SDK1: variants seen among roughly 807,000 people sequenced by gnomAD.
The protein encoded by SDK1 is protein sidekick-1.
SDK1 carries 157 observed loss-of-function variants against 245.5 expected under a neutral mutation model. The observed-to-expected ratio is 0.64, with a 90% CI of 0.56 to 0.73. SDK1 has a LOEUF of 0.73. SDK1 is among the 30% of genes least tolerant of loss of function. SDK1 has a pLI of 0.00. For synonymous variants in SDK1, 1,647 were observed against 1,278.5 expected, an observed-to-expected ratio of 1.29 and a Z score of -6.15; for missense variants, 3,583 against 3,002.3, an observed-to-expected ratio of 1.19 and a Z score of -4.52.
chr7:3,590,831 G>A (rs1282776773), intron 1 of SDK1, among the ~76,000 whole-genome samples: 4 of 149,116 alleles, frequency 2.7e-5, no homozygotes, highest in African/African-American at 9.9e-5. Flanking sequence ...CCCCCAGGCT[G>A]GAGTGCAGTG....
At chr7:4,223,163 A>G (rs913174918) in intron 40 of SDK1, among the ~76,000 whole-genome samples, 1 of 152,108 alleles carries the variant, frequency 6.6e-6, no homozygotes, top group African/African-American at 2.4e-5. Flanking sequence ...GGAGGGTACG[A>G]GTGTCCTGAC....
chr7:3,562,841 A>G (rs183383677), intron 1 of SDK1, among the ~76,000 whole-genome samples: 1 of 91,488 alleles, frequency 1.1e-5, no homozygotes. Context: ...GTTTCTATAT[A>G]AAGAGCCACA....
At position 3,478,437 on chromosome 7, in the gene SDK1, A is replaced by G. The variant is rs548252910; in HGVS notation, c.299-140643A>G. Among the ~76,000 whole-genome samples, 5 of 152,224 alleles carry G rather than the reference A, an allele frequency of 3.3e-5. No homozygotes were observed. In the South Asian group the frequency reaches 1.0e-3, roughly 32 times the overall value. On this transcript the variant is annotated intron_variant, in intron 1 of 44. Transcript: ENST00000404826. ...TTTGGGGAAAATTTTTGAGAACATA[A>G]CTATGGTAATTATTAGAAAAATAAC...
At chr7:3,599,530 A>C (rs1781186376) in intron 1 of SDK1, among the ~76,000 whole-genome samples, 1 of 152,178 alleles carries the variant, frequency 6.6e-6, no homozygotes, top group South Asian at 2.1e-4. Context: ...GTCAGGTCTA[A>C]GAGTCTTTGC....
At chr7:4,222,730 C>T (rs1785213139) in intron 40 of SDK1, among the ~76,000 whole-genome samples, 1 of 152,192 alleles carries the variant, frequency 6.6e-6, no homozygotes, top group Admixed American at 6.5e-5. Context: ...ATCTTTTGAG[C>T]AGGGCGTCTG....
At chr7:3,725,953 G>A (rs1459536192) in intron 4 of SDK1, among the ~76,000 whole-genome samples, 2 of 152,180 alleles carry the variant, frequency 1.3e-5, no homozygotes, top group African/African-American at 4.8e-5. Flanking sequence ...AGAAAAATAA[G>A]GTTGTCTTCA....
intron 5 of SDK1, among the ~76,000 whole-genome samples, chr7:3,903,137 G>T (rs1229604745): frequency 1.8e-4 from 26 of 143,284 alleles, no homozygotes; most frequent in African/African-American, 6.9e-4. Context: ...TTGTGGTTTT[G>T]TTTTTTGTTT....
At chr7:3,911,736 G>T (rs976162983) in intron 5 of SDK1, among the ~76,000 whole-genome samples, 1 of 152,174 alleles carries the variant, frequency 6.6e-6, no homozygotes, top group Non-Finnish European at 1.5e-5. Context: ...TCTGTATTAG[G>T]TGTTGGAGGA....
chr7:3,551,948 T>C (rs1243504135), intron 1 of SDK1, among the ~76,000 whole-genome samples: 1 of 152,346 alleles, frequency 6.6e-6, no homozygotes, highest in South Asian at 2.1e-4. Flanking sequence ...CTTAATTTAA[T>C]TGAGAAAATT....
Position 4,268,493 on chromosome 7 carries a change from G to A in SDK1, c.*3109G>A. The A allele has an allele frequency of 8.5e-7, 1 of 1,175,384 alleles. No individual in the cohort carries two copies. The highest frequency in any genetic ancestry group is 1.6e-5 in the South Asian group (1 of 61,962). 72.8% of individuals were successfully genotyped at this position (1,175,384 alleles called of 1,614,324 possible). On this transcript the variant is annotated 3_prime_UTR_variant, in exon 45 of 45. Coordinates refer to ENST00000404826, the MANE Select transcript of SDK1 (RefSeq NM_152744.4). ...TCAATGCTGTAGCCAAAAAACGAGG[G>A]GCCCCAGGGAGAGGGGACCCAGATG...
intron 12 of SDK1, among the ~76,000 whole-genome samples, chr7:3,972,482 G>A (rs1245642103): frequency 6.6e-6 from 1 of 152,224 alleles, no homozygotes; most frequent in African/African-American, 2.4e-5. Context: ...GTGGCAGACA[G>A]GTGGGCATCA....
chr7:3,682,024 A>G (rs1283453939), intron 4 of SDK1, among the ~76,000 whole-genome samples: 2 of 152,236 alleles, frequency 1.3e-5, no homozygotes, highest in Non-Finnish European at 2.9e-5. Context: ...TGGGAGAAGA[A>G]CAGACTCTAA....
At chr7:4,033,511 A>G (rs559462374) in intron 17 of SDK1, among the ~76,000 whole-genome samples, 2 of 152,346 alleles carry the variant, frequency 1.3e-5, no homozygotes, top group Non-Finnish European at 2.9e-5. Flanking sequence ...GCAAAAAAAT[A>G]CAATGAGCAA....
At chr7:3,847,139 C>A (rs934046788) in intron 5 of SDK1, among the ~76,000 whole-genome samples, 1 of 152,024 alleles carries the variant, frequency 6.6e-6, no homozygotes. Context: ...ATGCCTCTCA[C>A]GTACACCTGA....
At chr7:3,559,772 A>AC (rs1779692935) in intron 1 of SDK1, among the ~76,000 whole-genome samples, 1 of 147,266 alleles carries the variant, frequency 6.8e-6, no homozygotes, top group African/African-American at 2.5e-5. Flanking sequence ...AAAAAAAAAA[A>AC]ACACAAAAAT....
intron 5 of SDK1, among the ~76,000 whole-genome samples, chr7:3,907,096 A>G (rs1175834858): frequency 6.8e-6 from 1 of 147,504 alleles, no homozygotes; most frequent in Non-Finnish European, 1.5e-5. Context: ...AAAATCAGAT[A>G]TATTTAAATA....
In SDK1 at chr7:3,634,570, T is replaced by C. The variant is rs572136591; in HGVS notation, c.459-4434T>C. ...ATAGGAACAGGCATTTTCTATACTT[T>C]AGTGGCATATGGTGCTAAGATTTTA... On this transcript the variant is annotated intron_variant, in intron 2 of 44. Coordinates refer to ENST00000404826, the MANE Select transcript of SDK1 (RefSeq NM_152744.4). Among the ~76,000 whole-genome samples the C allele has an allele frequency of 2.4e-4, 36 of 152,320 alleles. 1 individual carries two copies. Among genetic ancestry groups the C allele is most frequent in the South Asian group, 2.3e-3 (11 of 4,830 alleles).
intron 4 of SDK1, among the ~76,000 whole-genome samples, chr7:3,670,642 G>A (rs1338798936): frequency 1.3e-5 from 2 of 152,066 alleles, no homozygotes; most frequent in Non-Finnish European, 2.9e-5. Context: ...TTTGCTTAAC[G>A]AACCACCTCC....
At chr7:3,450,743 G>T (rs995668517) in intron 1 of SDK1, among the ~76,000 whole-genome samples, 1 of 152,142 alleles carries the variant, frequency 6.6e-6, no homozygotes, top group East Asian at 1.9e-4. Flanking sequence ...GACATTATCA[G>T]TGTATATAGG....
Sources: gnomAD v4.1 joint callset for allele counts (sites outside exome capture counted in the v4.1 genomes callset) on GRCh38, gnomAD v4.1.1 for gene constraint, MANE v1.5 for transcripts, NCBI Gene and HGNC (gene_info 2026-07-23, HGNC 2026-07-21) for gene names.